The following SLC5A3 variants were observed in gnomAD, a reference collection of about 807,000 sequenced individuals.
The protein encoded by SLC5A3 is sodium/myo-inositol cotransporter.
A neutral mutation model predicts 43.2 loss-of-function variants in SLC5A3; 10 were observed. That is an observed-to-expected ratio of 0.23 (90% CI 0.14 to 0.39). SLC5A3 has a LOEUF of 0.39. Among genes scored for constraint, SLC5A3 ranks in the 10% least tolerant of loss-of-function variants. SLC5A3 has a pLI of 1.00. For missense variants in SLC5A3, 608 were observed against 893.4 expected, an observed-to-expected ratio of 0.68 and a Z score of 4.07; for synonymous variants, 349 against 322.0, an observed-to-expected ratio of 1.08 and a Z score of -0.90.
At position 34,104,911 on chromosome 21, in the gene SLC5A3, C is replaced by T. The variant is rs549572288; in HGVS notation, c.*7556C>T. 1.0e-6 allele frequency: 1 copy of T among 1,000,154 alleles called. No individual in the cohort carries two copies. The highest frequency in any genetic ancestry group is 1.2e-6 in the Non-Finnish European group (1 of 829,898). 62.0% of individuals were successfully genotyped at this position (1,000,154 alleles called of 1,614,324 possible). Reference sequence around the variant, plus strand: ...TTTCTTTGGCAGAAATGCCTTTCATCTATAATTTCATGGAGAACTGCTTTA... The same window carrying T: ...TTTCTTTGGCAGAAATGCCTTTCATTTATAATTTCATGGAGAACTGCTTTA... On this transcript the variant is annotated 3_prime_UTR_variant, in exon 2 of 2. Coordinates refer to ENST00000381151, the MANE Select transcript of SLC5A3 (RefSeq NM_006933.7).
chr21:34,085,916 T>G (rs1978347839), intron 1 of SLC5A3, among the ~76,000 whole-genome samples: 1 of 152,172 alleles, frequency 6.6e-6, no homozygotes, highest in Admixed American at 6.5e-5. Context: ...ATAAGGACTT[T>G]TAAACAACCG....
In SLC5A3 at chr21:34,098,650, CA is replaced by C; in HGVS notation, c.*1298del. On this transcript the variant is annotated 3_prime_UTR_variant, in exon 2 of 2. Coordinates refer to ENST00000381151, the MANE Select transcript of SLC5A3 (RefSeq NM_006933.7). ...GATGGATAGCATGTTTGAGAGGTGC[CA>C]AACAAGAACTTTTGGGGTTAGTAGT... The C allele has an allele frequency of 1.0e-6, 1 of 1,000,186 alleles. No individual in the cohort carries two copies. Among genetic ancestry groups the C allele is most frequent in the Non-Finnish European group, 1.2e-6 (1 of 829,984 alleles). 62.0% of individuals were successfully genotyped at this position (1,000,186 alleles called of 1,614,324 possible). A position where few individuals can be genotyped will look rare whatever the true frequency, so the allele number is the denominator to read the frequency against.
rs1312812277 is a variant in SLC5A3, at chr21:34,098,068, A to G, written c.*713A>G. 1 of 999,260 alleles carries G rather than the reference A, an allele frequency of 1.0e-6. No individual in the cohort carries two copies. Among genetic ancestry groups the G allele is most frequent in the Non-Finnish European group, 1.2e-6 (1 of 829,442 alleles). 61.9% of individuals were successfully genotyped at this position (999,260 alleles called of 1,614,324 possible). ...CCAACAAGTCTGCCTGTAAAGTTACATGTCATGATTGTGTTGTTAAATGAT... is the reference window on the plus strand; with the variant it reads ...CCAACAAGTCTGCCTGTAAAGTTACGTGTCATGATTGTGTTGTTAAATGAT... On this transcript the variant is annotated 3_prime_UTR_variant, in exon 2 of 2. Coordinates refer to ENST00000381151, the MANE Select transcript of SLC5A3 (RefSeq NM_006933.7).
rs553917360 is a variant in SLC5A3 at position 34,075,057 on chromosome 21, C to T, written c.-337+1312C>T. ...ATATCCCTTTTGGCCCTCCTCCTTG[C>T]TTACCAGCATATGTAACTCCGAAAG... On this transcript the variant is annotated intron_variant, in intron 1 of 1. Coordinates refer to ENST00000381151, the MANE Select transcript of SLC5A3 (RefSeq NM_006933.7). Among the ~76,000 whole-genome samples the T allele has an allele frequency of 1.1e-4, 17 of 152,352 alleles. No homozygotes were observed. In the East Asian group the frequency reaches 2.9e-3, roughly 26 times the overall value.
intron 1 of SLC5A3, among the ~76,000 whole-genome samples, chr21:34,076,653 T>C (rs1195033754): frequency 2.0e-5 from 3 of 152,232 alleles, no homozygotes. Context: ...TAAAAAAAGT[T>C]ATTTCTATTT....
chr21:34,089,265 G>A (rs1181734249), intron 1 of SLC5A3, among the ~76,000 whole-genome samples: 3 of 152,014 alleles, frequency 2.0e-5, no homozygotes, highest in African/African-American at 7.2e-5. Flanking sequence ...TGATCCACCC[G>A]CCTTGGCCTC....
chr21:34,078,884 A>T (rs527274471), intron 1 of SLC5A3, among the ~76,000 whole-genome samples: 2 of 152,206 alleles, frequency 1.3e-5, no homozygotes, highest in African/African-American at 2.4e-5. Context: ...CAATATACTC[A>T]TGAGTTTATC....
At chr21:34,091,090 A>AT (rs1467003237) in intron 1 of SLC5A3, among the ~76,000 whole-genome samples, 1 of 152,136 alleles carries the variant, frequency 6.6e-6, no homozygotes, top group East Asian at 1.9e-4. Context: ...CTAAGTGAAT[A>AT]TTTTTCATTT....
intron 1 of SLC5A3, among the ~76,000 whole-genome samples, chr21:34,093,572 A>T (rs1017857920): frequency 6.6e-6 from 1 of 151,762 alleles, no homozygotes; most frequent in African/African-American, 2.4e-5. Context: ...TTAAAAGGAA[A>T]ATGCCTAGAA....
chr21:34,102,564 G>T lies in SLC5A3; in HGVS notation c.*5209G>T. The stretch of plus-strand genomic sequence containing the variant: ...TAATCTTGTGCACTTTACTTTTTGG[G>T]CAGTACCATACATAGTCTGAGGCTA... On this transcript the variant is annotated 3_prime_UTR_variant, in exon 2 of 2. Coordinates refer to ENST00000381151, the MANE Select transcript of SLC5A3 (RefSeq NM_006933.7). The T allele has an allele frequency of 1.0e-6, 1 of 999,940 alleles. No individual in the cohort carries two copies. The highest frequency in any genetic ancestry group is 4.7e-5 in the South Asian group (1 of 21,284). 61.9% of individuals were successfully genotyped at this position (999,940 alleles called of 1,614,324 possible). A position where few individuals can be genotyped will look rare whatever the true frequency, so the allele number is the denominator to read the frequency against.
Position 34,098,623 on chromosome 21 carries a change from A to G in SLC5A3, c.*1268A>G. ...TAGGTTGTCAATATAGTCTTTCTGT[A>G]GGATGGATAGCATGTTTGAGAGGTG... On this transcript the variant is annotated 3_prime_UTR_variant, in exon 2 of 2. Transcript: ENST00000381151. The G allele has an allele frequency of 1.0e-6, 1 of 1,000,302 alleles. No homozygotes were observed. Among genetic ancestry groups the G allele is most frequent in the Non-Finnish European group, 1.2e-6 (1 of 830,004 alleles). The allele number at this position is 1,000,302 out of a possible 1,614,324, so 62.0% of individuals were successfully genotyped here. A position where few individuals can be genotyped will look rare whatever the true frequency, so the allele number is the denominator to read the frequency against.
chr21:34,102,507 A>C lies in SLC5A3; in HGVS notation c.*5152A>C, dbSNP rs537111748. ...TATATAGTCTTTCACTCAGAAATAA[A>C]CAAAAACTGTTTGGTATATCTGTAT... On this transcript the variant is annotated 3_prime_UTR_variant, in exon 2 of 2. Coordinates refer to ENST00000381151, the MANE Select transcript of SLC5A3 (RefSeq NM_006933.7). 2.0e-5 allele frequency: 20 copies of C among 1,000,180 alleles called. No homozygotes were observed. In the Admixed American group the frequency reaches 1.2e-3, roughly 61 times the overall value. The allele number at this position is 1,000,180 out of a possible 1,614,324, so 62.0% of individuals were successfully genotyped here.
chr21:34,084,664 A>G (rs1989531591), intron 1 of SLC5A3, among the ~76,000 whole-genome samples: 1 of 152,250 alleles, frequency 6.6e-6, no homozygotes, highest in Non-Finnish European at 1.5e-5. Flanking sequence ...AAATGGAAAA[A>G]CTGAAGAATT....
chr21:34,103,799 G>A lies in SLC5A3; in HGVS notation c.*6444G>A. 2 of 1,000,102 alleles carry A rather than the reference G, an allele frequency of 2.0e-6. No individual in the cohort carries two copies. Among genetic ancestry groups the A allele is most frequent in the Non-Finnish European group, 2.4e-6 (2 of 829,908 alleles). 62.0% of individuals were successfully genotyped at this position (1,000,102 alleles called of 1,614,324 possible). ...AATAAGTTTGTACCACATTGATGGAGGGAGAGAATATAAATGTCAAGAATG... is the reference window on the plus strand; with the variant it reads ...AATAAGTTTGTACCACATTGATGGAAGGAGAGAATATAAATGTCAAGAATG... On this transcript the variant is annotated 3_prime_UTR_variant, in exon 2 of 2. Coordinates refer to ENST00000381151, the MANE Select transcript of SLC5A3 (RefSeq NM_006933.7).
chr21:34,083,579 G>C (rs546244906), intron 1 of SLC5A3, among the ~76,000 whole-genome samples: 3 of 152,320 alleles, frequency 2.0e-5, no homozygotes, highest in African/African-American at 7.2e-5. Context: ...GTCATGGGTT[G>C]TTTTGATTGC....
In SLC5A3 at chr21:34,095,021, G is replaced by GT; in HGVS notation, c.-175dup. The stretch of plus-strand genomic sequence containing the variant: ...GAAAATTTAAACTGTCTTCTTCAAA[G>GT]TTTATCACAACCACCACCATCAAGA... On this transcript the variant is annotated 5_prime_UTR_variant, in exon 2 of 2. Coordinates refer to ENST00000381151, the MANE Select transcript of SLC5A3 (RefSeq NM_006933.7). 2 of 731,244 alleles carry GT rather than the reference G, an allele frequency of 2.7e-6. No homozygotes were observed. The highest frequency in any genetic ancestry group is 4.2e-6 in the Non-Finnish European group (2 of 477,472). 45.3% of individuals were successfully genotyped at this position (731,244 alleles called of 1,614,324 possible). A position where few individuals can be genotyped will look rare whatever the true frequency, so the allele number is the denominator to read the frequency against.
chr21:34,089,766 G>C (rs1189474680), intron 1 of SLC5A3, among the ~76,000 whole-genome samples: 1 of 152,170 alleles, frequency 6.6e-6, no homozygotes, highest in Admixed American at 6.5e-5. Flanking sequence ...TCACCCATCA[G>C]AATACAGCTT....
intron 1 of SLC5A3, among the ~76,000 whole-genome samples, chr21:34,075,382 A>G (rs960592533): frequency 3.9e-5 from 6 of 152,236 alleles, no homozygotes; most frequent in African/African-American, 7.2e-5. Flanking sequence ...CATGGCTGCA[A>G]GTATTAAGTG....
intron 1 of SLC5A3, among the ~76,000 whole-genome samples, chr21:34,086,841 C>G (rs1158435051): frequency 8.2e-6 from 1 of 121,692 alleles, no homozygotes; most frequent in Non-Finnish European, 1.8e-5. Flanking sequence ...GAAGAGGATT[C>G]TTCATGAGTT....
Sources: allele counts gnomAD v4.1 joint callset (sites outside exome capture counted in the v4.1 genomes callset), GRCh38; gene constraint gnomAD v4.1.1; transcripts MANE v1.5; gene names NCBI Gene and HGNC (gene_info 2026-07-23, HGNC 2026-07-21).